The following DGKB variants were observed in gnomAD, a reference collection of about 807,000 sequenced individuals.
The protein encoded by DGKB is 90 kDa diacylglycerol kinase.
DGKB carries 67 observed loss-of-function variants against 114.3 expected under a neutral mutation model. That is an observed-to-expected ratio of 0.59 (90% CI 0.48 to 0.72). The LOEUF (loss-of-function observed/expected upper bound fraction) is 0.72, where lower values mean the gene tolerates loss of function less well. Among genes scored for constraint, DGKB ranks in the 30% least tolerant of loss-of-function variants. The pLI, the probability that DGKB is intolerant of heterozygous loss-of-function variation, is 0.00. For synonymous variants in DGKB, 398 were observed against 323.1 expected (o/e 1.23, Z -2.49); for missense variants, 907 against 975.2 (o/e 0.93, Z 0.93).
upstream of DGKB, among the ~76,000 whole-genome samples, chr7:14,904,597 T>C (rs889449649): frequency 7.9e-5 from 12 of 152,276 alleles, no homozygotes; most frequent in Admixed American, 6.5e-4. Context: ...CCAACAAATA[T>C]CAATTTGCCA....
intron 13 of DGKB, among the ~76,000 whole-genome samples, chr7:14,668,994 T>C (rs1210334375): frequency 6.6e-6 from 1 of 152,138 alleles, no homozygotes; most frequent in African/African-American, 2.4e-5. Flanking sequence ...ACTAAATGGA[T>C]GATTATTAAC....
At chr7:14,325,091 C>T (rs879874351) in intron 23 of DGKB, among the ~76,000 whole-genome samples, 13 of 152,162 alleles carry the variant, frequency 8.5e-5, no homozygotes, top group Admixed American at 7.2e-4. Context: ...GCAGGCAGCA[C>T]CTCACAATGT....
intron 21 of DGKB, among the ~76,000 whole-genome samples, chr7:14,422,506 T>C (rs1023235815): frequency 1.3e-5 from 2 of 152,044 alleles, no homozygotes; most frequent in East Asian, 1.9e-4. Context: ...TTTCCACAAT[T>C]ACTCACATAC....
At chr7:14,792,937 A>G (rs1440582451) in intron 2 of DGKB, among the ~76,000 whole-genome samples, 2 of 152,136 alleles carry the variant, frequency 1.3e-5, no homozygotes, top group Non-Finnish European at 2.9e-5. Flanking sequence ...CTCTATAAAA[A>G]TGCTCTTTTG....
At chr7:14,675,026 C>T (rs1407825445) in intron 12 of DGKB, among the ~76,000 whole-genome samples, 1 of 152,124 alleles carries the variant, frequency 6.6e-6, no homozygotes, top group Admixed American at 6.6e-5. Flanking sequence ...TAAGACTCTG[C>T]TGCACTATGG....
At chr7:14,670,495 G>A (rs1043767299) in intron 13 of DGKB, among the ~76,000 whole-genome samples, 1 of 151,812 alleles carries the variant, frequency 6.6e-6, no homozygotes, top group African/African-American at 2.4e-5. Context: ...GTTGAGATGG[G>A]GTTTCACCAT....
At chr7:14,488,925 C>A (rs1037526034) in intron 20 of DGKB, among the ~76,000 whole-genome samples, 1 of 151,348 alleles carries the variant, frequency 6.6e-6, no homozygotes, top group Non-Finnish European at 1.5e-5. Flanking sequence ...AAAATTAGGT[C>A]TAGAAATCTA....
chr7:14,501,714 T>C (rs1786211552), intron 20 of DGKB, among the ~76,000 whole-genome samples: 1 of 151,940 alleles, frequency 6.6e-6, no homozygotes. Flanking sequence ...TTTCCTTACT[T>C]TTCGAATGGG....
intron 13 of DGKB, among the ~76,000 whole-genome samples, chr7:14,632,275 A>T (rs1390514135): frequency 6.6e-6 from 1 of 151,934 alleles, no homozygotes; most frequent in African/African-American, 2.4e-5. Context: ...CTTAGGTGAG[A>T]GTATAATAAT....
chr7:14,704,506 G>C (rs1466525959), intron 6 of DGKB, among the ~76,000 whole-genome samples: 1 of 151,626 alleles, frequency 6.6e-6, no homozygotes, highest in Non-Finnish European at 1.5e-5. Flanking sequence ...TGGCCGAATA[G>C]GAACAGCTCC....
chr7:14,517,974 G>A (rs1450188015), intron 20 of DGKB, among the ~76,000 whole-genome samples: 1 of 152,090 alleles, frequency 6.6e-6, no homozygotes, highest in Non-Finnish European at 1.5e-5. Context: ...TACGCCCAAA[G>A]GGATATTAAT....
In DGKB at chr7:14,758,884, A is replaced by AATAGATAGATAG. The variant is rs76875239; in HGVS notation, c.71-1165_71-1154dup. The stretch of plus-strand genomic sequence containing the variant: ...GTGGGTTTGTGTATGTGTGTGAAAC[A>AATAGATAGATAG]ATAGATAGATAGATAGATAGATAGA... On this transcript the variant is annotated intron_variant, in intron 2 of 25. Coordinates refer to ENST00000402815, the MANE Select transcript of DGKB (RefSeq NM_001350709.2). Among the ~76,000 whole-genome samples, 308 of 145,178 alleles carry AATAGATAGATAG rather than the reference A, an allele frequency of 2.1e-3. 2 individuals are homozygous for AATAGATAGATAG. The highest frequency in any genetic ancestry group is 6.1e-3 in the East Asian group (30 of 4,892).
chr7:14,694,869 G>C (rs1823536455), intron 8 of DGKB, among the ~76,000 whole-genome samples: 1 of 152,116 alleles, frequency 6.6e-6, no homozygotes, highest in African/African-American at 2.4e-5. Flanking sequence ...GAGTCATATA[G>C]TGTTGTTTGT....
At chr7:14,511,961 CCAAA>C (rs1478654542) in intron 20 of DGKB, among the ~76,000 whole-genome samples, 1 of 151,938 alleles carries the variant, frequency 6.6e-6, no homozygotes, top group Non-Finnish European at 1.5e-5. Context: ...TGTGGTATTC[CCAAA>C]CAATGACAAC....
intron 13 of DGKB, among the ~76,000 whole-genome samples, chr7:14,647,561 T>G (rs1427988946): frequency 1.3e-5 from 2 of 152,126 alleles, no homozygotes; most frequent in Non-Finnish European, 2.9e-5. Flanking sequence ...CCCTGATGAA[T>G]ATGGGTGTAA....
intron 21 of DGKB, among the ~76,000 whole-genome samples, chr7:14,476,070 G>C (rs892161029): frequency 6.6e-6 from 1 of 151,652 alleles, no homozygotes; most frequent in Non-Finnish European, 1.5e-5. Context: ...CACTCCAAAA[G>C]GTATTATCCA....
chr7:14,638,679 T>C (rs545745038), intron 13 of DGKB, among the ~76,000 whole-genome samples: 1 of 152,196 alleles, frequency 6.6e-6, no homozygotes, highest in South Asian at 2.1e-4. Context: ...TCACAAGAAA[T>C]GTTTCAAGTT....
At chr7:14,646,652 A>G (rs1031375043) in intron 13 of DGKB, among the ~76,000 whole-genome samples, 1 of 152,138 alleles carries the variant, frequency 6.6e-6, no homozygotes, top group African/African-American at 2.4e-5. Context: ...TTCTCAGAAC[A>G]CAATAAAATA....
intron 20 of DGKB, among the ~76,000 whole-genome samples, chr7:14,551,492 G>C (rs1431042419): frequency 6.6e-6 from 1 of 152,150 alleles, no homozygotes; most frequent in Non-Finnish European, 1.5e-5. Context: ...GTGTTGAAGA[G>C]TGTCCAAATT....
Sources: gnomAD v4.1 joint callset for allele counts (sites outside exome capture counted in the v4.1 genomes callset) on GRCh38, gnomAD v4.1.1 for gene constraint, MANE v1.5 for transcripts, NCBI Gene and HGNC (gene_info 2026-07-23, HGNC 2026-07-21) for gene names.